ZNF208: variants seen among roughly 807,000 people sequenced by gnomAD.
ZNF208 encodes the protein zinc finger protein 208.
A neutral mutation model predicts 12.1 loss-of-function variants in ZNF208; 10 were observed. The observed-to-expected ratio is 0.83, with a 90% CI of 0.51 to 1.40. The LOEUF (loss-of-function observed/expected upper bound fraction) is 1.40, where lower values mean the gene tolerates loss of function less well. Among genes scored for constraint, ZNF208 ranks in the 40% most tolerant of loss-of-function variants. The pLI is 0.00. For synonymous variants in ZNF208, 497 were observed against 488.4 expected, an observed-to-expected ratio of 1.02 and a Z score of -0.23; for missense variants, 1,652 against 1,485.0, an observed-to-expected ratio of 1.11 and a Z score of -1.85.
rs556006883 is a variant in ZNF208 at position 21,977,330 on chromosome 19, G to A, written c.227-2523C>T. On this transcript the variant is annotated intron_variant, in intron 3 of 3. Coordinates refer to ENST00000397126, the MANE Select transcript of ZNF208 (RefSeq NM_007153.3). ...AGCTCTGGTCTACAGCTCCCAGCGC[G>A]ATCGACACAGAAGGTGGGTGATTTC... is the stretch of plus-strand genomic sequence containing the variant. Among the ~76,000 whole-genome samples the A allele has an allele frequency of 1.2e-4, 18 of 152,326 alleles. No homozygotes were observed. In the South Asian group the frequency reaches 1.9e-3, roughly 16 times the overall value.
chr19:21,982,317 C>T (rs1970555662), intron 3 of ZNF208, among the ~76,000 whole-genome samples: 1 of 144,522 alleles, frequency 6.9e-6, no homozygotes, highest in Admixed American at 7.2e-5. Context: ...GAGATCGCAC[C>T]ACTGCACTTC....
At chr19:21,940,631 C>G (rs1969721311) in intron 4 of ZNF208, 1 of 152,408 alleles carries the variant, frequency 6.6e-6, no homozygotes, top group African/African-American at 2.4e-5. Flanking sequence ...GGGAGGCTGG[C>G]TGGGGGATCC....
chr19:21,944,927 C>T (rs1028367839), intron 4 of ZNF208, among the ~76,000 whole-genome samples: 5 of 152,288 alleles, frequency 3.3e-5, no homozygotes, highest in South Asian at 2.1e-4. Context: ...CCCCAGCATT[C>T]GCATTGTATT....
Position 21,972,362 on chromosome 19 carries a change from C to G in ZNF208, c.2672G>C (p.Cys891Ser). ...ACTAAAACCTTTGCCACATTCTTCACATTTGTAGGGTTTCTCTCCAGTATG... is the reference window on the plus strand; with the variant it reads ...ACTAAAACCTTTGCCACATTCTTCAGATTTGTAGGGTTTCTCTCCAGTATG... ...KIHTGEKPYK[C>S]EECGKGFSMF... The change falls in exon 4 of 4, where the codon TGT becomes TCT. Residue 891 changes from cysteine to serine, a missense_variant. By Grantham distance (112) the Cys-to-Ser change is moderately radical. Coordinates refer to ENST00000397126, the MANE Select transcript of ZNF208 (RefSeq NM_007153.3). The G allele has an allele frequency of 6.2e-7, 1 of 1,612,478 alleles. No homozygotes were observed. Among genetic ancestry groups the G allele is most frequent in the Non-Finnish European group, 8.5e-7 (1 of 1,179,212 alleles).
In ZNF208 at chr19:21,966,456, GC is replaced by G. The variant is rs1353129378; in HGVS notation, c.*4734del. 1 of 152,096 alleles carries G rather than the reference GC, an allele frequency of 6.6e-6. No homozygotes were observed. The highest frequency in any genetic ancestry group is 1.5e-5 in the Non-Finnish European group (1 of 68,002). 9.4% of individuals were successfully genotyped at this position (152,096 alleles called of 1,614,324 possible). A position where few individuals can be genotyped will look rare whatever the true frequency, so the allele number is the denominator to read the frequency against. On this transcript the variant is annotated 3_prime_UTR_variant, in exon 4 of 4. Transcript: ENST00000397126. ...CGTTACTTCATTCTCTTCTGTTGCT[GC>G]ATAGTATTGGAGGTTGTATAAGTAC...
intron 4 of ZNF208, among the ~76,000 whole-genome samples, chr19:21,943,862 C>T (rs934667766): frequency 2.0e-5 from 3 of 151,986 alleles, no homozygotes; most frequent in Non-Finnish European, 4.4e-5. Context: ...AGTATTGAGC[C>T]AGAATGATAT....
At chr19:21,961,378 G>A (rs538271926), downstream of ZNF208, among the ~76,000 whole-genome samples, 13 of 152,288 alleles carry the variant, frequency 8.5e-5, no homozygotes, top group Admixed American at 7.2e-4. Context: ...AAGATCACAT[G>A]CTTCTGAGGA....
downstream of ZNF208, among the ~76,000 whole-genome samples, chr19:21,964,807 A>G (rs1464489252): frequency 1.3e-5 from 2 of 151,882 alleles, no homozygotes; most frequent in Admixed American, 1.3e-4. Context: ...TGAATAATTT[A>G]AGTTTTCTCA....
At chr19:22,010,736 A>G in intron 1 of ZNF208, 56 bp downstream of exon 1, 1 of 1,613,796 alleles carries the variant, frequency 6.2e-7, no homozygotes, top group Non-Finnish European at 8.5e-7. Flanking sequence ...GCCACTTCCC[A>G]CCGGTTCCAA....
chr19:21,982,121 G>T (rs541730488), intron 3 of ZNF208, among the ~76,000 whole-genome samples: 14 of 152,196 alleles, frequency 9.2e-5, no homozygotes, highest in African/African-American at 2.9e-4. Flanking sequence ...ATTTTGGGAG[G>T]CCGAGACGGG....
chr19:21,946,116 T>A (rs74350982), intron 4 of ZNF208, among the ~76,000 whole-genome samples: 1 of 152,252 alleles, frequency 6.6e-6, no homozygotes, highest in African/African-American at 2.4e-5. Flanking sequence ...AAGTTTTTTC[T>A]TTTTGTGGGC....
chr19:21,942,216 T>C (rs936875241), intron 4 of ZNF208, among the ~76,000 whole-genome samples: 10 of 152,184 alleles, frequency 6.6e-5, no homozygotes, highest in Non-Finnish European at 1.3e-4. Flanking sequence ...GATATTTTAC[T>C]ACAGTAATAA....
At chr19:21,955,492 C>A (rs1467448819) in intron 4 of ZNF208, among the ~76,000 whole-genome samples, 3 of 152,230 alleles carry the variant, frequency 2.0e-5, no homozygotes, top group African/African-American at 7.2e-5. Context: ...GGTCTTTTCA[C>A]ATATTTCCAT....
chr19:21,974,046 TA>T lies in ZNF208; in HGVS notation c.987del (p.Thr330HisfsTer32). ...GKAFSKVSTLITHKAIHAGEK... is the reference protein window; with the variant it reads ...GKAFSKVSTLXTHKAIHAGEK... ...TCTCCAGCATGAATTGCCTTATGTG[TA>T]ATAAGGGTTGAGACCTTACTGAAGG... On this transcript the variant is annotated frameshift_variant, in exon 4 of 4. Transcript: ENST00000397126. LOFTEE classifies it low-confidence loss of function (END_TRUNC). The T allele has an allele frequency of 3.0e-6, 4 of 1,325,326 alleles. 2 individuals are homozygous for T. Among genetic ancestry groups the T allele is most frequent in the South Asian group, 3.3e-5 (2 of 61,016 alleles). The allele number at this position is 1,325,326 out of a possible 1,614,324, so 82.1% of individuals were successfully genotyped here.
chr19:21,951,003 T>G (rs1212043670), intron 4 of ZNF208, among the ~76,000 whole-genome samples: 1 of 152,228 alleles, frequency 6.6e-6, no homozygotes, highest in African/African-American at 2.4e-5. Context: ...AAGGCTGTAG[T>G]GCCTCTTGGT....
In ZNF208 at chr19:21,973,080, G is replaced by A; in HGVS notation, c.1954C>T (p.Leu652Phe). ...CGKTFIKVST[L>F]TTHKAIHAGE... ...GCATGAATTGCCTTATGTGTAGTAA[G>A]GGTTGAGACCTTAATAAAGGTTTTG... Residue 652 changes from leucine (L) to phenylalanine (F), a missense_variant, in exon 4 of 4, where the codon CTT (leucine) becomes TTT (phenylalanine). Around this residue, in one of 3 missense-constraint regions of ZNF208, gnomAD observed 1,239 missense variants for 1,086.2 expected, o/e 1.14. Transcript: ENST00000397126. The A allele has an allele frequency of 1.9e-6, 3 of 1,600,604 alleles. No individual in the cohort carries two copies. The highest frequency in any genetic ancestry group is 2.2e-5 in the South Asian group (2 of 89,936).
chr19:21,997,185 C>T (rs1370539208), intron 1 of ZNF208, among the ~76,000 whole-genome samples: 3 of 152,122 alleles, frequency 2.0e-5, no homozygotes, highest in Non-Finnish European at 4.4e-5. Flanking sequence ...TCAATTTGCT[C>T]AAGAGATTGC....
chr19:21,987,897 C>T (rs11878459), intron 2 of ZNF208, among the ~76,000 whole-genome samples: 4,501 of 152,148 alleles, frequency 0.03, 224 homozygotes, highest in African/African-American at 0.1. Context: ...TTTGCAGCCT[C>T]CAAAAGTGCA....
intron 3 of ZNF208, among the ~76,000 whole-genome samples, chr19:21,982,812 T>C (rs1460929815): frequency 6.6e-6 from 1 of 152,210 alleles, no homozygotes; most frequent in African/African-American, 2.4e-5. Context: ...GCTAGCCATA[T>C]GCAGAAAACT....
Sources: gnomAD v4.1 joint callset for allele counts (sites outside exome capture counted in the v4.1 genomes callset) on GRCh38, gnomAD v4.1.1 for gene constraint, gnomAD v4.1.1 regional missense constraint, MANE v1.5 for transcripts, NCBI Gene and HGNC (gene_info 2026-07-23, HGNC 2026-07-21) for gene names.